POLR3B: variants seen among roughly 807,000 people sequenced by gnomAD.
The protein encoded by POLR3B is RNA polymerase III subunit B.
Under a neutral mutation model 147.4 loss-of-function variants are expected in POLR3B, and 96 were observed. The observed-to-expected ratio is 0.65, with a 90% CI of 0.55 to 0.77. The LOEUF is 0.77. POLR3B is among the 30% of genes least tolerant of loss of function. POLR3B has a pLI of 0.00. For synonymous variants in POLR3B, 461 were observed against 485.9 expected (o/e 0.95, Z 0.67); for missense variants, 1,036 against 1,413.5 (o/e 0.73, Z 4.28).
At chr12:106,409,670 C>CTTGTTT (rs1311906953) in intron 11 of POLR3B, among the ~76,000 whole-genome samples, 3 of 133,736 alleles carry the variant, frequency 2.2e-5, no homozygotes, top group Non-Finnish European at 4.7e-5. Context: ...AGAATGCTTG[C>CTTGTTT]TTGTTTTTTT....
At chr12:106,365,207 T>C (rs889734735) in intron 2 of POLR3B, among the ~76,000 whole-genome samples, 2 of 152,112 alleles carry the variant, frequency 1.3e-5, no homozygotes, top group African/African-American at 4.8e-5. Context: ...TTGCGTGTTA[T>C]GGGCAGAGGG....
rs1565909279 is a variant in POLR3B, at chr12:106,477,891, C to CCTTTTTTTTTTTTTTTTTTT, written c.2713+14271_2713+14272insCTTTTTTTTTTTTTTTTTTT. ...CTATTCGGCCATCTTGGCTCCTCCC[C>CCTTTTTTTTTTTTTTTTTTT]TTTTTTTTTTTTTTTTTTTTTTTTT... On this transcript the variant is annotated intron_variant, in intron 23 of 27. Coordinates refer to ENST00000228347, the MANE Select transcript of POLR3B (RefSeq NM_018082.6). Among the ~76,000 whole-genome samples the CCTTTTTTTTTTTTTTTTTTT allele has an allele frequency of 2.8e-5, 2 of 70,478 alleles. 1 individual carries two copies. The highest frequency in any genetic ancestry group is 1.1e-4 in the African/African-American group (2 of 18,056). 46.2% of individuals were successfully genotyped at this position (70,478 alleles called of 152,430 possible). A position where few individuals can be genotyped will look rare whatever the true frequency, so the allele number is the denominator to read the frequency against.
intron 9 of POLR3B, among the ~76,000 whole-genome samples, chr12:106,388,324 C>T (rs1390340219): frequency 6.8e-6 from 1 of 147,552 alleles, no homozygotes; most frequent in Non-Finnish European, 1.5e-5. Flanking sequence ...GGAAATTTAT[C>T]TTTTTTTTTT....
At chr12:106,363,471 C>A (rs1015137501) in intron 1 of POLR3B, among the ~76,000 whole-genome samples, 1 of 152,192 alleles carries the variant, frequency 6.6e-6, no homozygotes, top group Non-Finnish European at 1.5e-5. Flanking sequence ...TCTGACCAGA[C>A]AGTAGTTGAG....
intron 18 of POLR3B, among the ~76,000 whole-genome samples, chr12:106,444,171 C>CTA (rs1186440580): frequency 6.6e-6 from 1 of 152,096 alleles, no homozygotes; most frequent in East Asian, 1.9e-4. Flanking sequence ...GTGATACAAC[C>CTA]TACTCATTGA....
At chr12:106,413,678 G>A (rs922939310) in intron 12 of POLR3B, among the ~76,000 whole-genome samples, 21 of 151,562 alleles carry the variant, frequency 1.4e-4, no homozygotes, top group African/African-American at 5.1e-4. Flanking sequence ...TGGTATGTGC[G>A]TGTTCCTGCT....
chr12:106,421,251 C>G (rs1266137251), intron 12 of POLR3B, among the ~76,000 whole-genome samples: 18 of 151,988 alleles, frequency 1.2e-4, no homozygotes, highest in Non-Finnish European at 2.9e-5. Context: ...CACAACAACA[C>G]TGGCATTCTT....
chr12:106,377,191 G>C (rs1198266630), intron 7 of POLR3B, among the ~76,000 whole-genome samples: 1 of 152,066 alleles, frequency 6.6e-6, no homozygotes, highest in African/African-American at 2.4e-5. Flanking sequence ...TTTTATTTTT[G>C]TACCTATTTC....
At chr12:106,376,028 T>G (rs2036673761) in intron 6 of POLR3B, among the ~76,000 whole-genome samples, 1 of 152,110 alleles carries the variant, frequency 6.6e-6, no homozygotes, top group Non-Finnish European at 1.5e-5. Flanking sequence ...GTATTTTTAG[T>G]AGAGATGGAG....
chr12:106,370,220 A>C (rs894404051), intron 6 of POLR3B, among the ~76,000 whole-genome samples: 5 of 152,228 alleles, frequency 3.3e-5, no homozygotes, highest in African/African-American at 9.6e-5. Flanking sequence ...AACTCAGTCC[A>C]CATAATTTCT....
intron 12 of POLR3B, among the ~76,000 whole-genome samples, chr12:106,421,695 T>TTATA (rs150173854): frequency 6.7e-6 from 1 of 150,266 alleles, no homozygotes; most frequent in Non-Finnish European, 1.5e-5. Context: ...TTTAATAACT[T>TTATA]TATATATATA....
intron 12 of POLR3B, among the ~76,000 whole-genome samples, chr12:106,425,379 G>A (rs532773081): frequency 8.5e-5 from 13 of 152,236 alleles, no homozygotes; most frequent in African/African-American, 2.9e-4. Flanking sequence ...CCTCTTCCGG[G>A]GGTAGACTGT....
chr12:106,422,363 C>T (rs921278936), intron 12 of POLR3B, among the ~76,000 whole-genome samples: 3 of 152,162 alleles, frequency 2.0e-5, no homozygotes, highest in African/African-American at 7.2e-5. Flanking sequence ...CCTGAGGCCT[C>T]CCCAGAAACT....
At position 106,473,026 on chromosome 12, in the gene POLR3B, G is replaced by C. The variant is rs371970188; in HGVS notation, c.2713+9406G>C. Among the ~76,000 whole-genome samples the C allele has an allele frequency of 2.6e-4, 23 of 89,434 alleles. No homozygotes were observed. In the East Asian group the frequency reaches 4.0e-3, roughly 16 times the overall value. The allele number at this position is 89,434 out of a possible 152,430, so 58.7% of individuals were successfully genotyped here. A position where few individuals can be genotyped will look rare whatever the true frequency, so the allele number is the denominator to read the frequency against. On this transcript the variant is annotated intron_variant, in intron 23 of 27. Coordinates refer to ENST00000228347, the MANE Select transcript of POLR3B (RefSeq NM_018082.6). ...AACGTTTAAATCTTTAATCCATCTT[G>C]AATTGATTTTTGTATAAGGTGTAAG...
intron 23 of POLR3B, among the ~76,000 whole-genome samples, chr12:106,482,249 G>A (rs1216914072): frequency 6.6e-6 from 1 of 152,060 alleles, no homozygotes; most frequent in East Asian, 1.9e-4. Context: ...GATACCAATA[G>A]TTTTTTTAAA....
chr12:106,392,787 T>G (rs1335634319), intron 9 of POLR3B, among the ~76,000 whole-genome samples: 1 of 152,242 alleles, frequency 6.6e-6, no homozygotes, highest in Admixed American at 6.5e-5. Flanking sequence ...TTAAAAATTT[T>G]AGCAGATAGT....
chr12:106,507,535 A>G (rs2038708157), intron 27 of POLR3B: 1 of 247,098 alleles, frequency 4.0e-6, no homozygotes, highest in African/African-American at 2.3e-5. Flanking sequence ...TCCTAGATAA[A>G]TTACATCAAC....
chr12:106,499,935 C>T (rs2038570574), intron 25 of POLR3B: 2 of 343,088 alleles, frequency 5.8e-6, no homozygotes, highest in Non-Finnish European at 1.1e-5. Flanking sequence ...TGCCTCTCTG[C>T]TGTGTCTGTT....
At chr12:106,362,113 T>C (rs1029918291) in intron 1 of POLR3B, among the ~76,000 whole-genome samples, 1 of 152,112 alleles carries the variant, frequency 6.6e-6, no homozygotes, top group African/African-American at 2.4e-5. Context: ...AAGAAAGTTT[T>C]AAATTTTTTT....
Sources: allele counts gnomAD v4.1 joint callset (sites outside exome capture counted in the v4.1 genomes callset), GRCh38; gene constraint gnomAD v4.1.1; transcripts MANE v1.5; gene names NCBI Gene and HGNC (gene_info 2026-07-23, HGNC 2026-07-21).